Variants in GALNT7 observed in about 807,000 individuals in gnomAD.
GALNT7 encodes polypeptide N-acetylgalactosaminyltransferase 7.
Under a neutral mutation model 82.1 loss-of-function variants are expected in GALNT7, and 60 were observed. That is an observed-to-expected ratio of 0.73 (90% CI 0.59 to 0.91). The LOEUF is 0.91. Among genes scored for constraint, GALNT7 ranks in the 40% least tolerant of loss-of-function variants. The pLI is 0.00. For missense variants in GALNT7, 660 were observed against 804.2 expected (o/e 0.82, Z 2.17); for synonymous variants, 243 against 275.1 (o/e 0.88, Z 1.15).
chr4:173,248,015 A>T lies in GALNT7; in HGVS notation c.162A>T (p.Arg54=). ...DRDVNDPMPN[R]GGNGLAPGED... ...ATGTCAATGACCCCATGCCCAACCG[A>T]GGCGGCAATGGACTAGCTCCTGGGG... The change falls in exon 2 of 12, where the codon CGA becomes CGT. Residue 54 remains arginine, a synonymous_variant. Coordinates refer to ENST00000265000, the MANE Select transcript of GALNT7 (RefSeq NM_017423.3). 1 of 1,613,340 alleles carries T rather than the reference A, an allele frequency of 6.2e-7. No individual in the cohort carries two copies. Among genetic ancestry groups the T allele is most frequent in the Non-Finnish European group, 8.5e-7 (1 of 1,179,498 alleles).
intron 2 of GALNT7, among the ~76,000 whole-genome samples, chr4:173,274,386 C>A (rs1302310993): frequency 6.6e-6 from 1 of 152,036 alleles, no homozygotes; most frequent in Non-Finnish European, 1.5e-5. Context: ...CATGTATTTC[C>A]TGGGTATTGG....
At chr4:173,236,042 T>C (rs1457599852) in intron 1 of GALNT7, among the ~76,000 whole-genome samples, 2 of 152,236 alleles carry the variant, frequency 1.3e-5, no homozygotes, top group African/African-American at 4.8e-5. Context: ...AGTACATATT[T>C]GTTAAACCAT....
intron 2 of GALNT7, among the ~76,000 whole-genome samples, chr4:173,258,575 G>A (rs1476987594): frequency 6.6e-6 from 1 of 152,138 alleles, no homozygotes; most frequent in African/African-American, 2.4e-5. Context: ...CTGTCCCTGT[G>A]TTACACCTAT....
At chr4:173,295,686 C>T in intron 4 of GALNT7, 78 bp from the exon 5 acceptor site, 1 of 1,125,928 alleles carries the variant, frequency 8.9e-7, no homozygotes, top group Non-Finnish European at 1.3e-6. Flanking sequence ...TTTTTATTAG[C>T]ATCTAATTTT....
In GALNT7 at chr4:173,230,663, T is replaced by G. The variant is rs1579934477; in HGVS notation, c.127-17317T>G. ...CCTAATCCTCACTTGGGTTTCATAG[T>G]GAACATTTTCATGTGTCCTAGAAAA... is the stretch of plus-strand genomic sequence containing the variant. On this transcript the variant is annotated intron_variant, in intron 1 of 11. Coordinates refer to ENST00000265000, the MANE Select transcript of GALNT7 (RefSeq NM_017423.3). 2.0e-5 allele frequency among the ~76,000 whole-genome samples: 3 copies of G among 152,320 alleles called. No individual in the cohort carries two copies. In the East Asian group the frequency reaches 5.8e-4, roughly 29 times the overall value.
intron 1 of GALNT7, among the ~76,000 whole-genome samples, chr4:173,200,272 G>A (rs766545231): frequency 1.4e-4 from 21 of 152,066 alleles, no homozygotes; most frequent in Non-Finnish European, 2.2e-4. Context: ...GAAAATGTCA[G>A]GTATTTCCAT....
At chr4:173,184,789 T>C (rs1732414844) in intron 1 of GALNT7, among the ~76,000 whole-genome samples, 1 of 152,160 alleles carries the variant, frequency 6.6e-6, no homozygotes, top group African/African-American at 2.4e-5. Flanking sequence ...CTTTGAAATA[T>C]TAATATTATG....
At chr4:173,264,189 G>A (rs1187056311) in intron 2 of GALNT7, among the ~76,000 whole-genome samples, 1 of 152,098 alleles carries the variant, frequency 6.6e-6, no homozygotes, top group African/African-American at 2.4e-5. Flanking sequence ...TGAGTAAGCA[G>A]TAACTTACTG....
chr4:173,319,228 TA>T (rs937326660), intron 11 of GALNT7, among the ~76,000 whole-genome samples: 4 of 152,120 alleles, frequency 2.6e-5, no homozygotes, highest in African/African-American at 9.6e-5. Context: ...TTGGCTAACA[TA>T]AATCAATTTA....
At chr4:173,210,048 C>T (rs1386759422) in intron 1 of GALNT7, among the ~76,000 whole-genome samples, 1 of 151,888 alleles carries the variant, frequency 6.6e-6, no homozygotes, top group Non-Finnish European at 1.5e-5. Context: ...CAGGAGAAAT[C>T]GCTTGAACCC....
intron 1 of GALNT7, among the ~76,000 whole-genome samples, chr4:173,184,634 G>A (rs945212853): frequency 6.7e-6 from 1 of 149,764 alleles, no homozygotes; most frequent in African/African-American, 2.5e-5. Flanking sequence ...GGGAGAGGGA[G>A]GGGGAGGGGG....
chr4:173,247,889 C>A, intron 1 of GALNT7, 91 bp from the exon 2 acceptor site: 1 of 753,530 alleles, frequency 1.3e-6, no homozygotes. Flanking sequence ...GTTGCCTCAG[C>A]CTTTTTCAAA....
rs1736736530 is a variant in GALNT7 at position 173,296,912 on chromosome 4, ATT to A, written c.965+1070_965+1071del. Among the ~76,000 whole-genome samples, 3 of 152,296 alleles carry A rather than the reference ATT, an allele frequency of 2.0e-5. No individual in the cohort carries two copies. The South Asian group carries it at 6.2e-4, about 32-fold the overall frequency. On this transcript the variant is annotated intron_variant, in intron 5 of 11. Coordinates refer to ENST00000265000, the MANE Select transcript of GALNT7 (RefSeq NM_017423.3). ...TCTTTCTGGACTTTACTTCCTCCATATTAAAGTTCTAAGCACTGTAGGTTTTC... is the reference window on the plus strand; with the variant it reads ...TCTTTCTGGACTTTACTTCCTCCATAAAAGTTCTAAGCACTGTAGGTTTTC...
chr4:173,253,268 G>A (rs191101680), intron 2 of GALNT7, among the ~76,000 whole-genome samples: 4 of 152,244 alleles, frequency 2.6e-5, no homozygotes, highest in Non-Finnish European at 5.9e-5. Context: ...AGGATGAGTA[G>A]GGTGCCTTCA....
intron 1 of GALNT7, among the ~76,000 whole-genome samples, chr4:173,179,545 A>C (rs190022725): frequency 6.0e-4 from 92 of 152,342 alleles, no homozygotes; most frequent in Non-Finnish European, 4.3e-4. Context: ...CAACTGTGCA[A>C]ATGCCCAACT....
intron 1 of GALNT7, among the ~76,000 whole-genome samples, chr4:173,230,041 A>G (rs1041876865): frequency 6.6e-6 from 1 of 152,182 alleles, no homozygotes; most frequent in African/African-American, 2.4e-5. Context: ...CAGGTAAAAG[A>G]AGGGAACCTT....
At chr4:173,311,954 A>T (rs527954393) in intron 8 of GALNT7, among the ~76,000 whole-genome samples, 2 of 152,330 alleles carry the variant, frequency 1.3e-5, no homozygotes, top group Non-Finnish European at 2.9e-5. Flanking sequence ...TTGAATGTAA[A>T]ACATGGGTCG....
chr4:173,190,972 G>T (rs992265655), intron 1 of GALNT7, among the ~76,000 whole-genome samples: 5 of 152,060 alleles, frequency 3.3e-5, no homozygotes, highest in Non-Finnish European at 7.4e-5. Context: ...AAAAGATTAT[G>T]GGTCATGGAA....
chr4:173,183,042 AAACACAC>A (rs1732314227), intron 1 of GALNT7, among the ~76,000 whole-genome samples: 1 of 77,452 alleles, frequency 1.3e-5, no homozygotes, highest in Non-Finnish European at 2.4e-5. Context: ...CCACACACAT[AAACACAC>A]ACACACACAC....
Sources: gnomAD v4.1 joint callset for allele counts (sites outside exome capture counted in the v4.1 genomes callset) on GRCh38, gnomAD v4.1.1 for gene constraint, MANE v1.5 for transcripts, NCBI Gene and HGNC (gene_info 2026-07-23, HGNC 2026-07-21) for gene names.